PLA2G2D: variants seen among roughly 807,000 people sequenced by gnomAD.
PLA2G2D encodes the protein phospholipase A2 group IID.
Under a neutral mutation model 13.9 loss-of-function variants are expected in PLA2G2D, and 17 were observed. The ratio of observed to expected loss-of-function variants is 1.23; its 90% CI spans 0.84 to 1.84. The LOEUF (loss-of-function observed/expected upper bound fraction) is 1.84, where lower values mean the gene tolerates loss of function less well. Ranked by LOEUF, PLA2G2D falls within the 40% of genes most tolerant of loss-of-function variation. The pLI is 0.00. For synonymous variants in PLA2G2D, 83 were observed against 69.3 expected, an observed-to-expected ratio of 1.20 and a Z score of -0.98; for missense variants, 194 against 178.7, an observed-to-expected ratio of 1.09 and a Z score of -0.49.
chr1:20,115,493 G>A lies in PLA2G2D; in HGVS notation c.292+14C>T, dbSNP rs757496839. On this transcript the variant is annotated intron_variant, in intron 3 of 3. Coordinates refer to ENST00000375105, the MANE Select transcript of PLA2G2D (RefSeq NM_012400.4). ...TGGGGTCTCCAGCTCCTGCCCTGAG[G>A]TCTGCGTACTCACAGCAGTGGATGT... is the stretch of plus-strand genomic sequence containing the variant. 7.0e-7 allele frequency: 1 copy of A among 1,434,114 alleles called. No individual in the cohort carries two copies. Among genetic ancestry groups the A allele is most frequent in the African/African-American group, 1.4e-5 (1 of 70,638 alleles). The allele number at this position is 1,434,114 out of a possible 1,614,324, so 88.8% of individuals were successfully genotyped here. A position where few individuals can be genotyped will look rare whatever the true frequency, so the allele number is the denominator to read the frequency against.
In PLA2G2D at chr1:20,115,520, C is replaced by T. The variant is rs773075990; in HGVS notation, c.279G>A (p.Gly93=). ...KDYYRYNFSQ[G]NIHCSDKGSW... ...CTGCGTACTCACAGCAGTGGATGTT[C>T]CCCTGGGAAAAGTTGTATCTGTAAT... Residue 93 remains glycine, a synonymous_variant, in exon 3 of 4, where the codon GGG becomes GGA. Coordinates refer to ENST00000375105, the MANE Select transcript of PLA2G2D (RefSeq NM_012400.4). 4 of 1,597,580 alleles carry T rather than the reference C, an allele frequency of 2.5e-6. No homozygotes were observed. The highest frequency in any genetic ancestry group is 2.2e-5 in the South Asian group (2 of 90,644).
In PLA2G2D at chr1:20,114,058, C is replaced by G. The variant is rs986523580; in HGVS notation, c.*56G>C. 7 of 1,553,416 alleles carry G rather than the reference C, an allele frequency of 4.5e-6. No homozygotes were observed. The highest frequency in any genetic ancestry group is 6.1e-6 in the Non-Finnish European group (7 of 1,138,422). On this transcript the variant is annotated 3_prime_UTR_variant, in exon 4 of 4. Coordinates refer to ENST00000375105, the MANE Select transcript of PLA2G2D (RefSeq NM_012400.4). Reference sequence around the variant, plus strand: ...AAGCCAGGCTGGTTCAGGTTAGATACTGAGGTGGGGATGCCAGAGCTCCAT... The same window carrying G: ...AAGCCAGGCTGGTTCAGGTTAGATAGTGAGGTGGGGATGCCAGAGCTCCAT...
At position 20,116,595 on chromosome 1, in the gene PLA2G2D, A is replaced by G. The variant is rs62541868; in HGVS notation, c.41-118T>C. ...CAAATGAGTGACCTCAGATGATGAT[A>G]ATAATAAAACGACATCTACTACTGC... On this transcript the variant is annotated intron_variant, in intron 1 of 3. Coordinates refer to ENST00000375105, the MANE Select transcript of PLA2G2D (RefSeq NM_012400.4). 6,056 of 877,426 alleles carry G rather than the reference A, an allele frequency of 6.9e-3. 223 individuals carry two copies. The African/African-American group carries it at 0.087, about 13-fold the overall frequency. The allele number at this position is 877,426 out of a possible 1,614,324, so 54.4% of individuals were successfully genotyped here.
At chr1:20,117,772 G>A (rs935444181) in intron 1 of PLA2G2D, among the ~76,000 whole-genome samples, 12 of 152,170 alleles carry the variant, frequency 7.9e-5, no homozygotes, top group African/African-American at 2.4e-4. Context: ...TATGGAACCC[G>A]CACCCAACCT....
rs1392313841 is a variant in PLA2G2D, at chr1:20,112,441, A to G, written c.*1673T>C. 1.3e-5 allele frequency: 2 copies of G among 152,122 alleles called. No individual in the cohort carries two copies. The highest frequency in any genetic ancestry group is 4.8e-5 in the African/African-American group (2 of 41,390). The allele number at this position is 152,122 out of a possible 1,614,324, so 9.4% of individuals were successfully genotyped here. A position where few individuals can be genotyped will look rare whatever the true frequency, so the allele number is the denominator to read the frequency against. ...GCCCACAGTCCTTCATTCCTATGAC[A>G]CCACTTCACATGAGTCACCACATCT... On this transcript the variant is annotated 3_prime_UTR_variant, in exon 4 of 4. Coordinates refer to ENST00000375105, the MANE Select transcript of PLA2G2D (RefSeq NM_012400.4).
At chr1:20,117,171 T>C (rs977261678) in intron 1 of PLA2G2D, among the ~76,000 whole-genome samples, 7 of 152,236 alleles carry the variant, frequency 4.6e-5, no homozygotes, top group African/African-American at 1.7e-4. Flanking sequence ...TTACTTGTGA[T>C]TCATTTGTTA....
intron 3 of PLA2G2D, among the ~76,000 whole-genome samples, chr1:20,114,697 A>T (rs890532120): frequency 2.6e-5 from 4 of 151,924 alleles, no homozygotes; most frequent in Admixed American, 2.0e-4. Context: ...GGAGTGGGGG[A>T]TGGCAACAGT....
intron 1 of PLA2G2D, among the ~76,000 whole-genome samples, chr1:20,117,979 ACGC>A (rs1386870857): frequency 1.3e-5 from 2 of 152,160 alleles, no homozygotes; most frequent in Non-Finnish European, 2.9e-5. Context: ...CCATGTTGCC[ACGC>A]CTGTTTGACA....
chr1:20,117,005 T>C (rs2017002171), intron 1 of PLA2G2D, among the ~76,000 whole-genome samples: 1 of 152,108 alleles, frequency 6.6e-6, no homozygotes. Context: ...ATAGGTCTTC[T>C]TTTGTATTGA....
At position 20,114,227 on chromosome 1, in the gene PLA2G2D, A is replaced by G. The variant is rs750194799; in HGVS notation, c.325T>C (p.Cys109Arg). The G allele has an allele frequency of 3.4e-5, 55 of 1,613,968 alleles. No individual in the cohort carries two copies. Among genetic ancestry groups the G allele is most frequent in the Non-Finnish European group, 4.5e-5 (53 of 1,179,978 alleles). Residue 109 changes from cysteine to arginine, a missense_variant, in exon 4 of 4, where the codon TGT becomes CGT. By Grantham distance (180) the Cys-to-Arg change is radical (BLOSUM62 -3). Coordinates refer to ENST00000375105, the MANE Select transcript of PLA2G2D (RefSeq NM_012400.4). Reference protein sequence around the residue: ...DKGSWCEQQLCACDKEVAFCL... With the variant: ...DKGSWCEQQLRACDKEVAFCL... ...AAGGCCACCTCCTTGTCACAGGCAC[A>G]CAGCTGCTGCTCACACCAGCTTCCC... is the stretch of plus-strand genomic sequence containing the variant.
intron 1 of PLA2G2D, among the ~76,000 whole-genome samples, chr1:20,117,812 G>A (rs969946385): frequency 3.3e-5 from 5 of 152,112 alleles, no homozygotes; most frequent in South Asian, 2.1e-4. Flanking sequence ...GTACACAGTG[G>A]GTGAGCCACA....
At chr1:20,114,517 T>C (rs541563943) in intron 3 of PLA2G2D, among the ~76,000 whole-genome samples, 63 of 152,076 alleles carry the variant, frequency 4.1e-4, no homozygotes, top group Admixed American at 2.3e-3. Flanking sequence ...GACTGAACGA[T>C]AGGGACATGA....
chr1:20,119,344 TG>T (rs937976509), intron 1 of PLA2G2D, 114 bp downstream of exon 1: 20 of 918,950 alleles, frequency 2.2e-5, no homozygotes, highest in Non-Finnish European at 3.1e-5. Context: ...GATTGGGGAG[TG>T]GGGGCCAGGC....
rs748564843 is a variant in PLA2G2D, at chr1:20,114,141, GT to G, written c.410del (p.His137ProfsTer71). On this transcript the variant is annotated frameshift_variant, in exon 4 of 4. Coordinates refer to ENST00000375105, the MANE Select transcript of PLA2G2D (RefSeq NM_012400.4). LOFTEE classifies it high-confidence loss of function. ...QKRLRFYWRP[H>X]CRGQTPGC Reference sequence around the variant, plus strand: ...AGCACCCAGGGGTCTGCCCCCGGCAGTGGGGCCGCCAGTAGAAACGCAGTCG... The same window carrying G: ...AGCACCCAGGGGTCTGCCCCCGGCAGGGGGCCGCCAGTAGAAACGCAGTCG... 6.2e-7 allele frequency: 1 copy of G among 1,613,716 alleles called. No homozygotes were observed. Among genetic ancestry groups the G allele is most frequent in the East Asian group, 2.2e-5 (1 of 44,874 alleles).
chr1:20,115,894 G>A (rs2016978482), intron 2 of PLA2G2D, among the ~76,000 whole-genome samples: 1 of 152,198 alleles, frequency 6.6e-6, no homozygotes, highest in Admixed American at 6.5e-5. Context: ...GACTCGGGGA[G>A]GTCAAGACAC....
At position 20,116,332 on chromosome 1, in the gene PLA2G2D, C is replaced by G. The variant is rs745807839; in HGVS notation, c.185+1G>C. Reference sequence around the variant, plus strand: ...ATTGCCAGCCCTGAGAAAGGAGTTACCAGTCCGTGGCATCTTTGGGTTGGC... The same window carrying G: ...ATTGCCAGCCCTGAGAAAGGAGTTAGCAGTCCGTGGCATCTTTGGGTTGGC... On this transcript the variant is annotated splice_donor_variant, in intron 2 of 3. Coordinates refer to ENST00000375105, the MANE Select transcript of PLA2G2D (RefSeq NM_012400.4). LOFTEE classifies it high-confidence loss of function. 3.1e-6 allele frequency: 5 copies of G among 1,614,012 alleles called. No individual in the cohort carries two copies. The Admixed American group carries it at 8.3e-5, about 27-fold the overall frequency.
chr1:20,116,797 A>G (rs1477424943), intron 1 of PLA2G2D, among the ~76,000 whole-genome samples: 3 of 152,056 alleles, frequency 2.0e-5, no homozygotes, highest in Non-Finnish European at 4.4e-5. Context: ...CTTGGGAAAC[A>G]TGGTAACACC....
intron 3 of PLA2G2D, 36 bp from the exon 4 acceptor site, chr1:20,114,295 T>TATGTGTCCCAGCTATG: frequency 6.3e-7 from 1 of 1,593,050 alleles, no homozygotes; most frequent in Non-Finnish European, 8.6e-7. Context: ...GTGTTTGTCC[T>TATGTGTCCCAGCTATG]TTTCCGAGAC....
intron 3 of PLA2G2D, among the ~76,000 whole-genome samples, 172 bp from the exon 4 acceptor site, chr1:20,114,431 G>T (rs2016942976): frequency 6.6e-6 from 1 of 152,218 alleles, no homozygotes; most frequent in Non-Finnish European, 1.5e-5. Flanking sequence ...CTCCCTGTGT[G>T]CCATTGCACC....
Sources: allele counts gnomAD v4.1 joint callset (sites outside exome capture counted in the v4.1 genomes callset), GRCh38; gene constraint gnomAD v4.1.1; transcripts MANE v1.5; gene names NCBI Gene and HGNC (gene_info 2026-07-23, HGNC 2026-07-21).